The following SHE variants were observed in gnomAD, a reference collection of about 807,000 sequenced individuals.
The protein encoded by SHE is Src homology 2 domain containing E, also known as SH2 domain-containing adapter protein E.
Under a neutral mutation model 49.8 loss-of-function variants are expected in SHE, and 11 were observed. That is an observed-to-expected ratio of 0.22 (90% CI 0.14 to 0.37). SHE has a LOEUF of 0.37. Ranked by LOEUF, SHE falls within the 10% of genes least tolerant of loss-of-function variation. The pLI is 1.00. For synonymous variants in SHE, 310 were observed against 278.1 expected (o/e 1.11, Z -1.14); for missense variants, 624 against 655.5 (o/e 0.95, Z 0.52).
chr1:154,494,378 T>G (rs1463099172), intron 2 of SHE, among the ~76,000 whole-genome samples: 1 of 149,138 alleles, frequency 6.7e-6, no homozygotes. Flanking sequence ...ATAACAGTTT[T>G]TTTTTTTTTT....
chr1:154,476,230 C>A (rs1281626469), downstream of SHE, among the ~76,000 whole-genome samples: 1 of 152,086 alleles, frequency 6.6e-6, no homozygotes, highest in Non-Finnish European at 1.5e-5. Flanking sequence ...CCTGTGGTCC[C>A]AGCCACTTGG....
In SHE at chr1:154,482,705, A is replaced by T. The variant is rs1299268237; in HGVS notation, c.*1444T>A. On this transcript the variant is annotated 3_prime_UTR_variant, in exon 6 of 6. Transcript: ENST00000304760. The stretch of plus-strand genomic sequence containing the variant: ...CCATTCCCATGGTTTTTTTCACAGT[A>T]AATAAACTGGTGATATAAGCTCATG... 1 of 985,320 alleles carries T rather than the reference A, an allele frequency of 1.0e-6. No homozygotes were observed. The highest frequency in any genetic ancestry group is 6.2e-5 in the Admixed American group (1 of 16,260). 61.0% of individuals were successfully genotyped at this position (985,320 alleles called of 1,614,324 possible).
In SHE at chr1:154,483,794, C is replaced by G; in HGVS notation, c.*355G>C. On this transcript the variant is annotated 3_prime_UTR_variant, in exon 6 of 6. Coordinates refer to ENST00000304760, the MANE Select transcript of SHE (RefSeq NM_001010846.3). ...ATCATTTGAGGTCAGGAGTTTGAGA[C>G]CAGCCTGACGAAGACGGCGAAACCC... is the stretch of plus-strand genomic sequence containing the variant. 1.1e-6 allele frequency: 1 copy of G among 937,198 alleles called. No homozygotes were observed. The highest frequency in any genetic ancestry group is 1.8e-5 in the African/African-American group (1 of 56,510). The allele number at this position is 937,198 out of a possible 1,614,324, so 58.1% of individuals were successfully genotyped here.
chr1:154,486,428 A>T, intron 4 of SHE, 99 bp downstream of exon 4: 1 of 1,489,864 alleles, frequency 6.7e-7, no homozygotes, highest in Non-Finnish European at 9.0e-7. Context: ...AGTGTTCATT[A>T]ACAAAAATAA....
In SHE at chr1:154,502,132, C is replaced by T. The variant is rs1362930101; in HGVS notation, c.-106G>A. 1.1e-6 allele frequency: 1 copy of T among 942,490 alleles called. No individual in the cohort carries two copies. 58.4% of individuals were successfully genotyped at this position (942,490 alleles called of 1,614,324 possible). A position where few individuals can be genotyped will look rare whatever the true frequency, so the allele number is the denominator to read the frequency against. ...GCCCGGCAGGGTGGGGTTCTCACGGCTCGGGGCGCCGAGCGGGCGGGCGCT... is the reference window on the plus strand; with the variant it reads ...GCCCGGCAGGGTGGGGTTCTCACGGTTCGGGGCGCCGAGCGGGCGGGCGCT... On this transcript the variant is annotated 5_prime_UTR_variant, in exon 1 of 6. Coordinates refer to ENST00000304760, the MANE Select transcript of SHE (RefSeq NM_001010846.3).
chr1:154,472,175 T>C (rs1241630841), intron 1 of SHE, among the ~76,000 whole-genome samples: 1 of 151,870 alleles, frequency 6.6e-6, no homozygotes, highest in Non-Finnish European at 1.5e-5. Context: ...TCTATTTTGG[T>C]TTTTAAATTA....
chr1:154,488,056 T>A (rs1354087322), intron 3 of SHE, among the ~76,000 whole-genome samples: 2 of 146,378 alleles, frequency 1.4e-5, no homozygotes, highest in African/African-American at 2.5e-5. Context: ...TCTCCTGTCT[T>A]AGCTTCTCGA....
At chr1:154,496,382 CAG>C (rs1692531611) in intron 2 of SHE, among the ~76,000 whole-genome samples, 1 of 152,156 alleles carries the variant, frequency 6.6e-6, no homozygotes, top group South Asian at 2.1e-4. Flanking sequence ...TTGTTTAAAA[CAG>C]AGCATGGAAC....
chr1:154,479,674 T>C lies in SHE; in HGVS notation c.*4475A>G, dbSNP rs1691968520. The stretch of plus-strand genomic sequence containing the variant: ...AACATTTTTAAAAGTTGAAACTATG[T>C]ATTAGTTGATATCTAAAATATTAAA... On this transcript the variant is annotated 3_prime_UTR_variant, in exon 6 of 6. Coordinates refer to ENST00000304760, the MANE Select transcript of SHE (RefSeq NM_001010846.3). The C allele has an allele frequency of 1.3e-5, 13 of 978,242 alleles. No individual in the cohort carries two copies. The South Asian group carries it at 6.2e-4, about 46-fold the overall frequency. 60.6% of individuals were successfully genotyped at this position (978,242 alleles called of 1,614,324 possible). A position where few individuals can be genotyped will look rare whatever the true frequency, so the allele number is the denominator to read the frequency against.
downstream of SHE, among the ~76,000 whole-genome samples, chr1:154,477,906 AAAAG>A (rs1216425320): frequency 4.0e-5 from 6 of 151,098 alleles, no homozygotes; most frequent in African/African-American, 7.3e-5. Context: ...AAAAAAAAAA[AAAAG>A]AAAGAAAAGA....
intron 1 of SHE, among the ~76,000 whole-genome samples, chr1:154,472,887 C>T (rs553900145): frequency 2.6e-5 from 4 of 152,222 alleles, no homozygotes; most frequent in East Asian, 1.9e-4. Context: ...ACTGGCTGGG[C>T]GCAGTGGCTC....
In SHE at chr1:154,502,000, G is replaced by A. The variant is rs1170050106; in HGVS notation, c.27C>T (p.Ala9=). 2.2e-6 allele frequency: 3 copies of A among 1,390,490 alleles called. No homozygotes were observed. The highest frequency in any genetic ancestry group is 5.8e-5 in the East Asian group (2 of 34,190). 86.1% of individuals were successfully genotyped at this position (1,390,490 alleles called of 1,614,324 possible). A position where few individuals can be genotyped will look rare whatever the true frequency, so the allele number is the denominator to read the frequency against. The change falls in exon 1 of 6, where the codon GCC becomes GCT. Residue 9 remains alanine (A), a synonymous_variant. Transcript: ENST00000304760. MQWSPTPG[A]SACLGWASSL... ...AGGAAGCCCAGCCCAGACACGCAGAGGCGCCAGGGGTCGGGGACCACTGCA... is the reference window on the plus strand; with the variant it reads ...AGGAAGCCCAGCCCAGACACGCAGAAGCGCCAGGGGTCGGGGACCACTGCA...
chr1:154,485,044 G>C (rs1187152225), intron 5 of SHE: 4 of 151,526 alleles, frequency 2.6e-5, no homozygotes, highest in Non-Finnish European at 5.9e-5. Flanking sequence ...CGTAAGTAAG[G>C]GTTCTTCTTC....
chr1:154,486,771 C>T, intron 3 of SHE, 88 bp from the exon 4 acceptor site: 1 of 1,486,742 alleles, frequency 6.7e-7, no homozygotes, highest in Non-Finnish European at 9.1e-7. Flanking sequence ...CCTGCCTTGG[C>T]TCAGGAAAGA....
At chr1:154,475,188 GTTC>G (rs959410711), downstream of SHE, among the ~76,000 whole-genome samples, 3 of 152,058 alleles carry the variant, frequency 2.0e-5, no homozygotes, top group Non-Finnish European at 4.4e-5. Flanking sequence ...CCTCTGCAAT[GTTC>G]TTTTTTCTTT....
Position 154,481,899 on chromosome 1 carries a change from G to T in SHE, c.*2250C>A. The T allele has an allele frequency of 1.5e-6, 1 of 667,976 alleles. No homozygotes were observed. Among genetic ancestry groups the T allele is most frequent in the Non-Finnish European group, 1.9e-6 (1 of 540,288 alleles). 41.4% of individuals were successfully genotyped at this position (667,976 alleles called of 1,614,324 possible). Reference sequence around the variant, plus strand: ...GGGTCTCACTCTGTCACTCAGGCTGGAGTGCAATGGTGCGATCATGGCTCG... The same window carrying T: ...GGGTCTCACTCTGTCACTCAGGCTGTAGTGCAATGGTGCGATCATGGCTCG... On this transcript the variant is annotated 3_prime_UTR_variant, in exon 6 of 6. Coordinates refer to ENST00000304760, the MANE Select transcript of SHE (RefSeq NM_001010846.3).
intron 1 of SHE, 36 bp from the exon 2 acceptor site, chr1:154,499,274 C>T (rs1692634391): frequency 1.3e-6 from 2 of 1,585,322 alleles, no homozygotes; most frequent in Admixed American, 1.8e-5. Flanking sequence ...TGCTAAGGGC[C>T]ACCGTATACC....
At chr1:154,479,149 G>A (rs1691956612), downstream of SHE, among the ~76,000 whole-genome samples, 1 of 152,098 alleles carries the variant, frequency 6.6e-6, no homozygotes. Flanking sequence ...ATAACAAACT[G>A]ATAAAAACAG....
chr1:154,476,651 C>A (rs892485765), downstream of SHE, among the ~76,000 whole-genome samples: 3 of 151,488 alleles, frequency 2.0e-5, no homozygotes, highest in Non-Finnish European at 4.4e-5. Context: ...GTAAAGCAAT[C>A]CAAAATAATC....
Sources: allele counts gnomAD v4.1 joint callset (sites outside exome capture counted in the v4.1 genomes callset), GRCh38; gene constraint gnomAD v4.1.1; transcripts MANE v1.5; gene names NCBI Gene and HGNC (gene_info 2026-07-23, HGNC 2026-07-21).